RAB27B: variants seen among roughly 807,000 people sequenced by gnomAD.
The protein encoded by RAB27B is ras-related protein Rab-27B.
In RAB27B, 15 loss-of-function variants were observed where a neutral mutation model predicts 24.6. The ratio of observed to expected loss-of-function variants is 0.61; its 90% confidence interval spans 0.41 to 0.94. The LOEUF (loss-of-function observed/expected upper bound fraction) is 0.94, where lower values mean the gene tolerates loss of function less well. RAB27B is among the 40% of genes least tolerant of loss of function. The pLI is 0.00. For missense variants in RAB27B, 261 were observed against 266.8 expected (o/e 0.98, Z 0.15); for synonymous variants, 105 against 92.5 (o/e 1.14, Z -0.78).
chr18:54,813,648 CT>C (rs2145153410), intron 2 of RAB27B, among the ~76,000 whole-genome samples: 1 of 152,310 alleles, frequency 6.6e-6, no homozygotes, highest in East Asian at 1.9e-4. Context: ...TGGTGCCATG[CT>C]TCTTGTACAG....
intron 1 of RAB27B, among the ~76,000 whole-genome samples, chr18:54,861,344 G>A (rs964260070): frequency 4.6e-5 from 7 of 152,106 alleles, no homozygotes; most frequent in Non-Finnish European, 7.4e-5. Context: ...ACTTCAATTT[G>A]CATATATACA....
intron 5 of RAB27B, 107 bp downstream of exon 5, chr18:54,888,225 C>T (rs2145295317): frequency 7.8e-7 from 1 of 1,286,288 alleles, no homozygotes; most frequent in Non-Finnish European, 1.1e-6. Flanking sequence ...CCAAGAACAG[C>T]ATGTGGATTA....
chr18:54,812,068 A>G (rs938896139), intron 2 of RAB27B, among the ~76,000 whole-genome samples: 4 of 152,190 alleles, frequency 2.6e-5, no homozygotes, highest in African/African-American at 9.6e-5. Flanking sequence ...TAATAAGCAC[A>G]CTTGCTAATG....
At chr18:54,810,810 G>T (rs1301628560) in intron 2 of RAB27B, among the ~76,000 whole-genome samples, 2 of 150,914 alleles carry the variant, frequency 1.3e-5, no homozygotes, top group Non-Finnish European at 2.9e-5. Flanking sequence ...TCCAGCCTGG[G>T]CAACAGAGCA....
At chr18:54,881,722 G>A (rs1202730582) in intron 3 of RAB27B, among the ~76,000 whole-genome samples, 1 of 152,138 alleles carries the variant, frequency 6.6e-6, no homozygotes, top group Admixed American at 6.6e-5. Flanking sequence ...GTCTCCCCGT[G>A]GGGGAAATGG....
intron 2 of RAB27B, among the ~76,000 whole-genome samples, chr18:54,755,459 TTCTC>T (rs1907974012): frequency 6.6e-6 from 1 of 152,172 alleles, no homozygotes; most frequent in African/African-American, 2.4e-5. Flanking sequence ...AAAAAATAGT[TTCTC>T]TGTGGCATCA....
chr18:54,794,798 GTGTT>G (rs1335546344), intron 2 of RAB27B, among the ~76,000 whole-genome samples: 1 of 152,156 alleles, frequency 6.6e-6, no homozygotes, highest in East Asian at 1.9e-4. Context: ...AACCCCCAAT[GTGTT>G]TGTGTCCCTG....
At chr18:54,788,115 A>T (rs900167923) in intron 2 of RAB27B, among the ~76,000 whole-genome samples, 1 of 152,188 alleles carries the variant, frequency 6.6e-6, no homozygotes, top group African/African-American at 2.4e-5. Flanking sequence ...CCAGACAAAA[A>T]ATAGAGTGGA....
intron 1 of RAB27B, among the ~76,000 whole-genome samples, chr18:54,876,859 G>T (rs1448021827): frequency 6.6e-6 from 1 of 152,054 alleles, no homozygotes; most frequent in Non-Finnish European, 1.5e-5. Context: ...TCTGTTCCCT[G>T]TGACTCTCTC....
intron 2 of RAB27B, among the ~76,000 whole-genome samples, chr18:54,731,723 T>G (rs1479358885): frequency 6.6e-6 from 1 of 152,168 alleles, no homozygotes; most frequent in Non-Finnish European, 1.5e-5. Flanking sequence ...TAAGTATACA[T>G]ACACATTCTT....
intron 2 of RAB27B, among the ~76,000 whole-genome samples, chr18:54,766,779 A>G (rs1261251606): frequency 6.6e-6 from 1 of 152,194 alleles, no homozygotes. Context: ...TAATGAACTC[A>G]GGTTGTTAGT....
At chr18:54,879,263 A>G (rs1568112844) in intron 2 of RAB27B, 106 bp from the exon 3 acceptor site, 3 of 826,210 alleles carry the variant, frequency 3.6e-6, no homozygotes, top group Non-Finnish European at 6.3e-6. Flanking sequence ...TGCACTATGA[A>G]CTTTGATTAT....
intron 1 of RAB27B, among the ~76,000 whole-genome samples, chr18:54,857,742 C>T (rs893324992): frequency 1.3e-5 from 2 of 152,190 alleles, no homozygotes; most frequent in African/African-American, 2.4e-5. Flanking sequence ...TGTGCACATG[C>T]TCTCATTATG....
At chr18:54,745,559 G>T (rs968922529) in intron 2 of RAB27B, 3 of 158,614 alleles carry the variant, frequency 1.9e-5, no homozygotes, top group East Asian at 1.7e-4. Flanking sequence ...CCACCAGATG[G>T]GTAGGAACAA....
At chr18:54,803,281 G>T (rs1909667788) in intron 2 of RAB27B, among the ~76,000 whole-genome samples, 1 of 152,170 alleles carries the variant, frequency 6.6e-6, no homozygotes, top group South Asian at 2.1e-4. Flanking sequence ...AGAATTGGGA[G>T]TTGGAAGTAG....
At chr18:54,877,341 C>T (rs1912742640) in intron 1 of RAB27B, among the ~76,000 whole-genome samples, 1 of 152,072 alleles carries the variant, frequency 6.6e-6, no homozygotes, top group African/African-American at 2.4e-5. Context: ...TGATATTTTG[C>T]ATATTTTTCC....
rs952937461 is a variant in RAB27B at position 54,895,294 on chromosome 18, A to G, written c.*5881A>G. ...TGTCTAGTGCTATGAATGTAACTTAAAACTATAAACTTGAAGTTTTTATTC... is the reference window on the plus strand; with the variant it reads ...TGTCTAGTGCTATGAATGTAACTTAGAACTATAAACTTGAAGTTTTTATTC... On this transcript the variant is annotated 3_prime_UTR_variant, in exon 6 of 6. Coordinates refer to ENST00000262094, the MANE Select transcript of RAB27B (RefSeq NM_004163.4). 1.4e-4 allele frequency: 21 copies of G among 152,000 alleles called. No homozygotes were observed. Among genetic ancestry groups the G allele is most frequent in the Non-Finnish European group, 2.6e-4 (18 of 67,972 alleles). The allele number at this position is 152,000 out of a possible 1,614,324, so 9.4% of individuals were successfully genotyped here.
At chr18:54,884,502 C>G in intron 4 of RAB27B, 66 bp downstream of exon 4, 3 of 1,068,950 alleles carry the variant, frequency 2.8e-6, no homozygotes, top group Non-Finnish European at 4.3e-6. Flanking sequence ...GCTTGTTGGT[C>G]TTGCAAGATG....
chr18:54,837,284 G>A (rs1246908882), intron 1 of RAB27B, among the ~76,000 whole-genome samples: 1 of 152,082 alleles, frequency 6.6e-6, no homozygotes, highest in Non-Finnish European at 1.5e-5. Flanking sequence ...AGTTGGAGAA[G>A]ATAAGTTATA....
Sources: allele counts gnomAD v4.1 joint callset (sites outside exome capture counted in the v4.1 genomes callset), GRCh38; gene constraint gnomAD v4.1.1; transcripts MANE v1.5; gene names NCBI Gene and HGNC (gene_info 2026-07-23, HGNC 2026-07-21).